The following ANAPC1 variants were observed in gnomAD, a reference collection of about 807,000 sequenced individuals.
ANAPC1 encodes the protein anaphase promoting complex subunit 1.
ANAPC1 carries 36 observed loss-of-function variants against 208.0 expected under a neutral mutation model. The ratio of observed to expected loss-of-function variants is 0.17; its 90% CI spans 0.13 to 0.23. ANAPC1 has a LOEUF of 0.23. ANAPC1 is among the 10% of genes least tolerant of loss of function. The pLI, the probability that ANAPC1 is intolerant of heterozygous loss-of-function variation, is 1.00. For missense variants in ANAPC1, 942 were observed against 2,011.6 expected (o/e 0.47, Z 10.17); for synonymous variants, 378 against 695.2 (o/e 0.54, Z 7.18).
intron 47 of ANAPC1, among the ~76,000 whole-genome samples, chr2:111,769,618 G>C (rs1334366303): frequency 6.7e-5 from 10 of 150,298 alleles, no homozygotes; most frequent in Admixed American, 6.6e-4. Flanking sequence ...TCTGAAGAGA[G>C]GTGTTTTGGA....
chr2:111,825,691 AAAC>A, intron 22 of ANAPC1, 83 bp downstream of exon 22: 1 of 1,412,160 alleles, frequency 7.1e-7, no homozygotes, highest in African/African-American at 1.4e-5. Flanking sequence ...CCGCCAAAGC[AAAC>A]AAGAAAAATT....
At chr2:111,784,458 G>A in intron 40 of ANAPC1, 58 bp from the exon 41 acceptor site, 1 of 1,594,274 alleles carries the variant, frequency 6.3e-7, no homozygotes, top group Non-Finnish European at 8.6e-7. Flanking sequence ...AAACAACAAA[G>A]AAGAAACATC....
intron 8 of ANAPC1, 78 bp downstream of exon 8, chr2:111,864,728 G>A (rs1404499158): frequency 3.8e-6 from 6 of 1,596,614 alleles, no homozygotes; most frequent in Non-Finnish European, 5.1e-6. Context: ...CTCCCAAAAT[G>A]CTAGGATTAC....
At chr2:111,792,096 G>T (rs1677907943) in intron 38 of ANAPC1, among the ~76,000 whole-genome samples, 1 of 152,088 alleles carries the variant, frequency 6.6e-6, no homozygotes. Flanking sequence ...GTGGGCACAA[G>T]CAGTGATGCA....
chr2:111,823,104 G>C (rs1679632072), intron 24 of ANAPC1, among the ~76,000 whole-genome samples: 1 of 141,626 alleles, frequency 7.1e-6, no homozygotes, highest in Non-Finnish European at 1.5e-5. Context: ...CCTCCTCCCG[G>C]GTTCACGCCA....
At chr2:111,876,956 C>T (rs1209405447) in intron 3 of ANAPC1, among the ~76,000 whole-genome samples, 1 of 152,134 alleles carries the variant, frequency 6.6e-6, no homozygotes, top group East Asian at 1.9e-4. Context: ...ATGCAGCAAA[C>T]ATATTTCACC....
intron 18 of ANAPC1, among the ~76,000 whole-genome samples, chr2:111,836,956 A>G (rs947811549): frequency 7.1e-6 from 1 of 141,342 alleles, no homozygotes; most frequent in Non-Finnish European, 1.6e-5. Context: ...TGACAGAGCA[A>G]GACTCCGTCT....
At chr2:111,867,166 T>C (rs1196623518) in intron 7 of ANAPC1, among the ~76,000 whole-genome samples, 1 of 151,934 alleles carries the variant, frequency 6.6e-6, no homozygotes, top group Non-Finnish European at 1.5e-5. Context: ...GGCACATGCC[T>C]GTAATCCCAG....
intron 21 of ANAPC1, among the ~76,000 whole-genome samples, chr2:111,828,854 G>C (rs951695605): frequency 1.3e-5 from 2 of 152,148 alleles, no homozygotes; most frequent in Non-Finnish European, 2.9e-5. Flanking sequence ...AAAAGTCTTG[G>C]GTACGGACAG....
rs751639009 is a variant in ANAPC1 at position 111,833,210 on chromosome 2, G to A, written c.2476+10C>T. The A allele has an allele frequency of 1.5e-5, 23 of 1,575,178 alleles. No homozygotes were observed. Among genetic ancestry groups the A allele is most frequent in the Middle Eastern group, 1.8e-4 (1 of 5,546 alleles). On this transcript the variant is annotated intron_variant, in intron 20 of 47. Coordinates refer to ENST00000341068, the MANE Select transcript of ANAPC1 (RefSeq NM_022662.4). ...CTGTTTAGAAAATATTTAAAAGCACGACTACTTACCTGGATCAATTGTGCA... is the reference window on the plus strand; with the variant it reads ...CTGTTTAGAAAATATTTAAAAGCACAACTACTTACCTGGATCAATTGTGCA...
chr2:111,872,824 C>T lies in ANAPC1; in HGVS notation c.529-112G>A. ...ATTTTCCAATTTAGTAATAGCTTTA[C>T]AAAGTAACATAATCATTAAATACGG... On this transcript the variant is annotated intron_variant, in intron 5 of 47. Transcript: ENST00000341068. 5 of 670,634 alleles carry T rather than the reference C, an allele frequency of 7.5e-6. No homozygotes were observed. The South Asian group carries it at 9.3e-5, about 12-fold the overall frequency. 41.5% of individuals were successfully genotyped at this position (670,634 alleles called of 1,614,324 possible).
chr2:111,883,254 G>A (rs1683416883), intron 1 of ANAPC1, among the ~76,000 whole-genome samples: 1 of 147,802 alleles, frequency 6.8e-6, no homozygotes, highest in Non-Finnish European at 1.5e-5. Context: ...TTATTCAACA[G>A]AATAACCAAC....
Position 111,884,128 on chromosome 2 carries a change from A to G in ANAPC1, c.-211T>C, listed in dbSNP as rs1417677150. On this transcript the variant is annotated 5_prime_UTR_variant, in exon 1 of 48. Transcript: ENST00000341068. ...GCAACAGCAGCGGGCTCGAGTGCTA[A>G]TGGCAGGAAGGCGTGCGAGACGTTC... is the stretch of plus-strand genomic sequence containing the variant. 1 of 152,266 alleles carries G rather than the reference A, an allele frequency of 6.6e-6. No individual in the cohort carries two copies. The highest frequency in any genetic ancestry group is 1.5e-5 in the Non-Finnish European group (1 of 68,082). The allele number at this position is 152,266 out of a possible 1,614,324, so 9.4% of individuals were successfully genotyped here.
Position 111,792,479 on chromosome 2 carries a change from T to C in ANAPC1, c.4595A>G (p.Asn1532Ser). 1 of 1,613,734 alleles carries C rather than the reference T, an allele frequency of 6.2e-7. No individual in the cohort carries two copies. ...GCGACAAAGCTGCAAAACCTTTAGGTTTCCTGAGCCAGCCATGACCATGGC... is the reference window on the plus strand; with the variant it reads ...GCGACAAAGCTGCAAAACCTTTAGGCTTCCTGAGCCAGCCATGACCATGGC... Reference protein sequence around the residue: ...SLAMVMAGSGNLKVLQLCRFL... With the variant: ...SLAMVMAGSGSLKVLQLCRFL... Residue 1532 changes from asparagine (N) to serine (S), a missense_variant, in exon 38 of 48, where the codon AAC (asparagine) becomes AGC (serine). Physicochemically the swap from Asn to Ser is conservative, Grantham distance 46. Transcript: ENST00000341068.
chr2:111,824,575 G>C (rs1269552433), intron 24 of ANAPC1, among the ~76,000 whole-genome samples: 1 of 151,974 alleles, frequency 6.6e-6, no homozygotes, highest in Non-Finnish European at 1.5e-5. Flanking sequence ...TCCTTCAAAA[G>C]TATACCCTGA....
chr2:111,851,830 T>C (rs1447485492), intron 13 of ANAPC1, among the ~76,000 whole-genome samples: 1 of 146,416 alleles, frequency 6.8e-6, no homozygotes, highest in East Asian at 2.0e-4. Flanking sequence ...AAAGAATGAG[T>C]TGACAATCCG....
chr2:111,769,488 C>T (rs1676600983), intron 47 of ANAPC1, 82 bp from the exon 48 acceptor site: 1 of 618,280 alleles, frequency 1.6e-6, no homozygotes, highest in Non-Finnish European at 3.0e-6. Context: ...TTCAGAAACA[C>T]AATCATGTTT....
Position 111,804,000 on chromosome 2 carries a change from T to TA in ANAPC1, c.3925-162dup, listed in dbSNP as rs2104565776. On this transcript the variant is annotated intron_variant, in intron 30 of 47. Transcript: ENST00000341068. ...AAAGCAAACATTAATCATGAGTTAA[T>TA]AAATATTAATAATTCTCATAAAAGT... Among the ~76,000 whole-genome samples the TA allele has an allele frequency of 4.0e-5, 6 of 148,196 alleles. No homozygotes were observed. The South Asian group carries it at 1.3e-3, about 32-fold the overall frequency.
At chr2:111,810,056 C>T (rs539161348) in intron 28 of ANAPC1, among the ~76,000 whole-genome samples, 1 of 151,558 alleles carries the variant, frequency 6.6e-6, no homozygotes, top group African/African-American at 2.4e-5. Context: ...ACAAATAACC[C>T]AAATATTCAT....
Sources: gnomAD v4.1 joint callset for allele counts (sites outside exome capture counted in the v4.1 genomes callset) on GRCh38, gnomAD v4.1.1 for gene constraint, MANE v1.5 for transcripts, NCBI Gene and HGNC (gene_info 2026-07-23, HGNC 2026-07-21) for gene names.